GLIS3: variants seen among roughly 807,000 people sequenced by gnomAD.
GLIS3 encodes the protein zinc finger protein GLIS3.
A neutral mutation model predicts 78.6 loss-of-function variants in GLIS3; 53 were observed. The observed-to-expected ratio is 0.67, with a 90% CI of 0.54 to 0.85. GLIS3 has a LOEUF of 0.85. GLIS3 is among the 40% of genes least tolerant of loss of function. GLIS3 has a pLI of 0.00. For synonymous variants in GLIS3, 684 were observed against 509.9 expected, an observed-to-expected ratio of 1.34 and a Z score of -4.60; for missense variants, 1,703 against 1,231.1, an observed-to-expected ratio of 1.38 and a Z score of -5.74.
chr9:4,230,710 C>G (rs1326624602), intron 2 of GLIS3, among the ~76,000 whole-genome samples: 1 of 152,120 alleles, frequency 6.6e-6, no homozygotes, highest in Non-Finnish European at 1.5e-5. Flanking sequence ...AACTGTGAAA[C>G]TACAAAAGCA....
At chr9:4,389,169 G>A in the GLIS3 span, among the ~76,000 whole-genome samples, 2 of 152,298 alleles carry the variant, frequency 1.3e-5, no homozygotes, top group East Asian at 1.9e-4. Flanking sequence ...CTGTGACATA[G>A]GTATTAGAGG....
chr9:3,991,760 G>A lies in GLIS3; in HGVS notation c.1711-54571C>T, dbSNP rs531943237. Among the ~76,000 whole-genome samples the A allele has an allele frequency of 3.4e-4, 50 of 145,572 alleles. 1 individual carries two copies. The South Asian group carries it at 7.1e-3, about 21-fold the overall frequency. Reference sequence around the variant, plus strand: ...GGCTGGAGTGCAGTGGTGGGATCTCGGCTCACTGCAAGCTCCGCCTCCCGG... The same window carrying A: ...GGCTGGAGTGCAGTGGTGGGATCTCAGCTCACTGCAAGCTCCGCCTCCCGG... On this transcript the variant is annotated intron_variant, in intron 4 of 10. Coordinates refer to ENST00000381971, the MANE Select transcript of GLIS3 (RefSeq NM_001042413.2).
intron 2 of GLIS3, among the ~76,000 whole-genome samples, chr9:4,336,577 A>G (rs905847756): frequency 6.6e-6 from 1 of 152,228 alleles, no homozygotes; most frequent in African/African-American, 2.4e-5. Flanking sequence ...TTTATGGAAA[A>G]GGAAAGTAAG....
intron 4 of GLIS3, among the ~76,000 whole-genome samples, chr9:4,114,566 T>G (rs1179224205): frequency 6.6e-6 from 1 of 152,156 alleles, no homozygotes. Flanking sequence ...TGGTCTAAGC[T>G]CAGAAGGTCA....
intron 8 of GLIS3, among the ~76,000 whole-genome samples, chr9:3,865,955 C>T (rs889563599): frequency 6.6e-6 from 1 of 152,196 alleles, no homozygotes; most frequent in Non-Finnish European, 1.5e-5. Context: ...ACAAGTGGAG[C>T]TGTCTGCTTG....
chr9:4,335,674 G>A (rs1401158077), intron 2 of GLIS3, among the ~76,000 whole-genome samples: 2 of 152,108 alleles, frequency 1.3e-5, no homozygotes, highest in East Asian at 3.9e-4. Context: ...ACACGGCTTA[G>A]GGTTTTAGTT....
chr9:4,425,106 A>C, the GLIS3 span, among the ~76,000 whole-genome samples: 2 of 152,138 alleles, frequency 1.3e-5, no homozygotes, highest in Admixed American at 1.3e-4. Flanking sequence ...GAAGTTTAGA[A>C]GAAAAACAAG....
Position 3,827,268 on chromosome 9 carries a change from C to T in GLIS3, c.*1004G>A, listed in dbSNP as rs1377719476. The T allele has an allele frequency of 6.6e-6, 1 of 152,196 alleles. No individual in the cohort carries two copies. Among genetic ancestry groups the T allele is most frequent in the Non-Finnish European group, 1.5e-5 (1 of 68,064 alleles). 9.4% of individuals were successfully genotyped at this position (152,196 alleles called of 1,614,324 possible). ...GTCAAGTATCACTAGGTTTGGTTTT[C>T]CAAGGGAAGCTGGCACATGACTCAG... On this transcript the variant is annotated 3_prime_UTR_variant, in exon 11 of 11. Coordinates refer to ENST00000381971, the MANE Select transcript of GLIS3 (RefSeq NM_001042413.2).
chr9:4,107,945 A>AGT (rs746073436), intron 4 of GLIS3, among the ~76,000 whole-genome samples: 216 of 151,442 alleles, frequency 1.4e-3, no homozygotes, highest in African/African-American at 3.8e-3. Flanking sequence ...TCTAGCTTCA[A>AGT]GTGTGTGTGT....
chr9:3,993,114 A>G (rs745416526), intron 4 of GLIS3, among the ~76,000 whole-genome samples: 12 of 152,042 alleles, frequency 7.9e-5, no homozygotes, highest in Non-Finnish European at 1.8e-4. Context: ...CTGTGTTCTC[A>G]CTCCAGCTCT....
At chr9:4,194,663 A>C (rs1818640758) in intron 2 of GLIS3, among the ~76,000 whole-genome samples, 1 of 152,150 alleles carries the variant, frequency 6.6e-6, no homozygotes, top group Admixed American at 6.5e-5. Flanking sequence ...AATAGAGACA[A>C]ACAGCCCCCT....
At chr9:3,953,682 A>G (rs757028615) in intron 4 of GLIS3, among the ~76,000 whole-genome samples, 7 of 152,050 alleles carry the variant, frequency 4.6e-5, no homozygotes, top group Non-Finnish European at 7.4e-5. Flanking sequence ...TGTTGAAAAC[A>G]TATTTTTGAT....
intron 1 of GLIS3, among the ~76,000 whole-genome samples, chr9:4,298,230 G>A (rs1183163404): frequency 3.9e-5 from 6 of 152,002 alleles, no homozygotes; most frequent in Admixed American, 3.9e-4. Flanking sequence ...GGCCGGGCTC[G>A]CAGTCCCCCC....
chr9:4,481,273 C>G, the GLIS3 span, among the ~76,000 whole-genome samples: 779 of 152,264 alleles, frequency 5.1e-3, 6 homozygotes, highest in Non-Finnish European at 7.1e-3. Flanking sequence ...CACCTGGGGT[C>G]AGGAGTTCAA....
intron 9 of GLIS3, among the ~76,000 whole-genome samples, chr9:3,835,090 G>T (rs1356322743): frequency 6.6e-6 from 1 of 152,200 alleles, no homozygotes; most frequent in East Asian, 1.9e-4. Flanking sequence ...CTTCGTCAAA[G>T]GGATAAGTCA....
intron 2 of GLIS3, among the ~76,000 whole-genome samples, chr9:4,262,035 G>A (rs369389231): frequency 6.6e-6 from 1 of 152,130 alleles, no homozygotes; most frequent in East Asian, 1.9e-4. Flanking sequence ...TATTTTCATG[G>A]AGAGGAAAAT....
intron 4 of GLIS3, among the ~76,000 whole-genome samples, chr9:4,072,885 C>CA (rs1486294349): frequency 6.6e-6 from 1 of 152,068 alleles, no homozygotes. Context: ...TTTTATAGTT[C>CA]ACGTACAGCC....
intron 2 of GLIS3, among the ~76,000 whole-genome samples, chr9:4,277,949 C>G (rs1827180010): frequency 6.6e-6 from 1 of 152,236 alleles, no homozygotes; most frequent in Non-Finnish European, 1.5e-5. Flanking sequence ...CAACTGCACC[C>G]TGTCCTGCCT....
chr9:4,304,461 G>A (rs1160347601), upstream of GLIS3, among the ~76,000 whole-genome samples: 5 of 152,154 alleles, frequency 3.3e-5, no homozygotes, highest in Non-Finnish European at 5.9e-5. Context: ...GCCTGTCTGC[G>A]CCCTGCTCCA....
Sources: allele counts gnomAD v4.1 joint callset (sites outside exome capture counted in the v4.1 genomes callset), GRCh38; gene constraint gnomAD v4.1.1; transcripts MANE v1.5; gene names NCBI Gene and HGNC (gene_info 2026-07-23, HGNC 2026-07-21).